Variants in NKAIN3 observed in about 807,000 individuals in gnomAD.
NKAIN3 encodes sodium/potassium-transporting ATPase subunit beta-1-interacting protein 3.
Under a neutral mutation model 30.2 loss-of-function variants are expected in NKAIN3, and 25 were observed. The ratio of observed to expected loss-of-function variants is 0.83; its 90% CI spans 0.60 to 1.16. The LOEUF is 1.16. NKAIN3 is among the 50% of genes most tolerant of loss of function. The pLI is 0.00. For missense variants in NKAIN3, 225 were observed against 254.1 expected (o/e 0.89, Z 0.78); for synonymous variants, 91 against 89.6 (o/e 1.02, Z -0.09).
chr8:62,486,720 C>T (rs79125730), intron 1 of NKAIN3, among the ~76,000 whole-genome samples: 8 of 152,274 alleles, frequency 5.3e-5, no homozygotes, highest in East Asian at 1.9e-4. Flanking sequence ...TATTAATCAT[C>T]GCTGGGCAGT....
At chr8:62,484,982 C>T (rs1280317047) in intron 1 of NKAIN3, among the ~76,000 whole-genome samples, 1 of 152,202 alleles carries the variant, frequency 6.6e-6, no homozygotes, top group East Asian at 1.9e-4. Context: ...GTACATAACT[C>T]TGTCATTGAA....
intron 1 of NKAIN3, among the ~76,000 whole-genome samples, chr8:62,353,713 A>G (rs1816254346): frequency 6.6e-6 from 1 of 152,200 alleles, no homozygotes; most frequent in Admixed American, 6.5e-5. Context: ...TAATAAATAA[A>G]TAAATTTCCT....
At chr8:62,437,513 G>A (rs1805205108) in intron 1 of NKAIN3, among the ~76,000 whole-genome samples, 1 of 152,146 alleles carries the variant, frequency 6.6e-6, no homozygotes, top group South Asian at 2.1e-4. Flanking sequence ...GTGCTATTCT[G>A]TCATTTCCAG....
intron 6 of NKAIN3, among the ~76,000 whole-genome samples, chr8:62,964,321 T>G (rs1376709522): frequency 1.3e-5 from 2 of 152,204 alleles, no homozygotes; most frequent in Non-Finnish European, 2.9e-5. Flanking sequence ...AACAGATGTT[T>G]ATGAAGTATC....
At chr8:62,573,569 C>A (rs1304550547) in intron 1 of NKAIN3, among the ~76,000 whole-genome samples, 4 of 152,046 alleles carry the variant, frequency 2.6e-5, no homozygotes, top group Non-Finnish European at 5.9e-5. Flanking sequence ...TCCTGATTGC[C>A]TTTACTTTGT....
rs1823697221 is a variant in NKAIN3 at position 62,965,868 on chromosome 8, C to T, written c.*461C>T. ...GCCACCAAGGTAGACCCTGTGACAGCTGATAAATAGGTACAAATAATGGAT... is the reference window on the plus strand; with the variant it reads ...GCCACCAAGGTAGACCCTGTGACAGTTGATAAATAGGTACAAATAATGGAT... On this transcript the variant is annotated 3_prime_UTR_variant, in exon 7 of 7. Coordinates refer to ENST00000623646, the MANE Select transcript of NKAIN3 (RefSeq NM_001304533.3). The T allele has an allele frequency of 1.0e-6, 1 of 984,874 alleles. No homozygotes were observed. Among genetic ancestry groups the T allele is most frequent in the Non-Finnish European group, 1.2e-6 (1 of 829,618 alleles). The allele number at this position is 984,874 out of a possible 1,614,324, so 61.0% of individuals were successfully genotyped here.
chr8:62,867,548 A>G (rs539055035), intron 4 of NKAIN3, among the ~76,000 whole-genome samples: 2 of 152,346 alleles, frequency 1.3e-5, no homozygotes, highest in East Asian at 3.9e-4. Flanking sequence ...AATGTCTGTC[A>G]TAGCTCAAAA....
Position 62,983,504 on chromosome 8 carries a change from A to AT in NKAIN3, c.*18098dup, listed in dbSNP as rs1158049475. On this transcript the variant is annotated 3_prime_UTR_variant, in exon 7 of 7. Transcript: ENST00000623646. ...TCTTGTGCAAAAAGCTTGGGGAGTG[A>AT]TAAAAACAAATCAAATTCACATTTT... is the stretch of plus-strand genomic sequence containing the variant. 1 of 152,220 alleles carries AT rather than the reference A, an allele frequency of 6.6e-6. No individual in the cohort carries two copies. Among genetic ancestry groups the AT allele is most frequent in the African/African-American group, 2.4e-5 (1 of 41,446 alleles). 9.4% of individuals were successfully genotyped at this position (152,220 alleles called of 1,614,324 possible). A position where few individuals can be genotyped will look rare whatever the true frequency, so the allele number is the denominator to read the frequency against.
At chr8:62,797,527 T>C (rs2130685526) in intron 4 of NKAIN3, among the ~76,000 whole-genome samples, 1 of 152,312 alleles carries the variant, frequency 6.6e-6, no homozygotes, top group Admixed American at 6.5e-5. Flanking sequence ...TGCCAGACAG[T>C]GACCTCCCTC....
chr8:62,907,645 T>C (rs940128961), intron 4 of NKAIN3, among the ~76,000 whole-genome samples: 1 of 152,180 alleles, frequency 6.6e-6, no homozygotes, highest in East Asian at 1.9e-4. Context: ...AAGGGGCCAA[T>C]GTACAGCTCA....
intron 3 of NKAIN3, among the ~76,000 whole-genome samples, chr8:62,623,312 A>G (rs1224658562): frequency 6.6e-6 from 1 of 152,118 alleles, no homozygotes; most frequent in Non-Finnish European, 1.5e-5. Context: ...CCTTCACTAG[A>G]AATAAAATTT....
At chr8:62,320,799 C>A (rs1320463919) in intron 1 of NKAIN3, among the ~76,000 whole-genome samples, 1 of 152,160 alleles carries the variant, frequency 6.6e-6, no homozygotes, top group Non-Finnish European at 1.5e-5. Flanking sequence ...GTGAATCTGA[C>A]AATTATGTGT....
At chr8:62,892,377 T>C (rs1002873071) in intron 4 of NKAIN3, among the ~76,000 whole-genome samples, 5 of 152,220 alleles carry the variant, frequency 3.3e-5, no homozygotes, top group South Asian at 4.1e-4. Flanking sequence ...ATTAGCACCA[T>C]GTGGAGAAAA....
chr8:62,270,454 A>C (rs191062449), intron 1 of NKAIN3, among the ~76,000 whole-genome samples: 98 of 152,246 alleles, frequency 6.4e-4, no homozygotes, highest in Non-Finnish European at 1.2e-3. Flanking sequence ...TATAAATTTA[A>C]AAATTATAGT....
chr8:62,581,795 C>A, intron 2 of NKAIN3, among the ~76,000 whole-genome samples: 1 of 115,850 alleles, frequency 8.6e-6, no homozygotes, highest in Non-Finnish European at 1.9e-5. Flanking sequence ...CTTTCTCCCA[C>A]CTATCCTCCC....
chr8:62,839,369 T>C (rs1819464451), intron 4 of NKAIN3, among the ~76,000 whole-genome samples: 1 of 151,500 alleles, frequency 6.6e-6, no homozygotes, highest in South Asian at 2.1e-4. Context: ...CCTTTGTCTC[T>C]ATCAAACAAA....
At chr8:62,921,840 A>G (rs1238558017) in intron 5 of NKAIN3, among the ~76,000 whole-genome samples, 1 of 152,206 alleles carries the variant, frequency 6.6e-6, no homozygotes, top group Non-Finnish European at 1.5e-5. Context: ...ATTTGTTACT[A>G]CTTGTTAGAC....
chr8:62,793,701 C>T (rs1039461044), intron 4 of NKAIN3, among the ~76,000 whole-genome samples: 4 of 152,106 alleles, frequency 2.6e-5, no homozygotes, highest in African/African-American at 4.8e-5. Context: ...GCTTATTTCT[C>T]CCAGTAAAGT....
At chr8:62,802,350 T>C (rs1330368963) in intron 4 of NKAIN3, among the ~76,000 whole-genome samples, 4 of 151,914 alleles carry the variant, frequency 2.6e-5, no homozygotes, top group Admixed American at 6.6e-5. Flanking sequence ...AAGGAAAAAA[T>C]GTTAAGGGCA....
Sources: gnomAD v4.1 joint callset for allele counts (sites outside exome capture counted in the v4.1 genomes callset) on GRCh38, gnomAD v4.1.1 for gene constraint, MANE v1.5 for transcripts, NCBI Gene and HGNC (gene_info 2026-07-23, HGNC 2026-07-21) for gene names.